Variants in NEK10 observed in about 807,000 individuals in gnomAD.
NEK10 encodes serine/threonine-protein kinase Nek10.
A neutral mutation model predicts 159.8 loss-of-function variants in NEK10; 122 were observed. The ratio of observed to expected loss-of-function variants is 0.76; its 90% CI spans 0.66 to 0.89. The LOEUF (loss-of-function observed/expected upper bound fraction) is 0.89, where lower values mean the gene tolerates loss of function less well. Ranked by LOEUF, NEK10 falls within the 40% of genes least tolerant of loss-of-function variation. The pLI is 0.00. For synonymous variants in NEK10, 466 were observed against 457.1 expected (o/e 1.02, Z -0.25); for missense variants, 1,342 against 1,323.1 (o/e 1.01, Z -0.22).
chr3:27,193,260 T>A (rs1398527130), intron 25 of NEK10, among the ~76,000 whole-genome samples: 1 of 152,230 alleles, frequency 6.6e-6, no homozygotes, highest in Admixed American at 6.5e-5. Context: ...ATTTGGCTAT[T>A]ACAACGTCAC....
intron 32 of NEK10, among the ~76,000 whole-genome samples, chr3:27,123,596 C>T (rs1027062193): frequency 6.6e-6 from 1 of 152,112 alleles, no homozygotes; most frequent in Non-Finnish European, 1.5e-5. Context: ...AAAAATTATA[C>T]TCTTGGAGTT....
intron 23 of NEK10, among the ~76,000 whole-genome samples, chr3:27,238,630 A>G (rs1344200164): frequency 1.3e-5 from 2 of 152,000 alleles, no homozygotes; most frequent in Non-Finnish European, 2.9e-5. Context: ...AGGATCATAA[A>G]ATATATGCCA....
intron 23 of NEK10, among the ~76,000 whole-genome samples, chr3:27,204,301 GTT>G (rs567092116): frequency 0.13 from 8,367 of 66,194 alleles, 409 homozygotes; most frequent in African/African-American, 0.32. Context: ...TTTTGTTGTT[GTT>G]TTTTTTTTTT....
At chr3:27,231,255 T>C (rs539024936) in intron 23 of NEK10, among the ~76,000 whole-genome samples, 26 of 151,774 alleles carry the variant, frequency 1.7e-4, no homozygotes, top group Middle Eastern at 3.4e-3. Context: ...AATGTGCTCT[T>C]GAATGATTAA....
chr3:27,217,257 T>A (rs796451558), intron 23 of NEK10, among the ~76,000 whole-genome samples: 49 of 152,274 alleles, frequency 3.2e-4, no homozygotes, highest in African/African-American at 1.2e-3. Flanking sequence ...GAAAATCCTG[T>A]ATTCGTCCAC....
At chr3:27,323,208 G>T (rs988866229) in intron 5 of NEK10, among the ~76,000 whole-genome samples, 4 of 152,134 alleles carry the variant, frequency 2.6e-5, no homozygotes, top group Non-Finnish European at 5.9e-5. Flanking sequence ...CCCTCAATCC[G>T]AACAGTGGGG....
chr3:27,322,138 A>G, intron 6 of NEK10, 39 bp downstream of exon 6: 1 of 1,064,958 alleles, frequency 9.4e-7, no homozygotes, highest in Non-Finnish European at 1.4e-6. Context: ...TTACAACTTT[A>G]TAACAAGTAA....
chr3:27,155,559 A>AAATAG (rs1945322768), intron 30 of NEK10, among the ~76,000 whole-genome samples: 1 of 142,844 alleles, frequency 7.0e-6, no homozygotes, highest in South Asian at 2.3e-4. Flanking sequence ...AAATAAAATA[A>AAATAG]AATACTTAGG....
At chr3:27,283,610 T>C (rs1433039959) in intron 22 of NEK10, among the ~76,000 whole-genome samples, 2 of 152,156 alleles carry the variant, frequency 1.3e-5, no homozygotes, top group East Asian at 3.9e-4. Flanking sequence ...CAAGTGTTCA[T>C]GAGGCAGGCA....
chr3:27,316,338 T>C (rs985907788), intron 6 of NEK10, among the ~76,000 whole-genome samples: 4 of 151,982 alleles, frequency 2.6e-5, no homozygotes, highest in South Asian at 2.1e-4. Flanking sequence ...TGAAGAAAGA[T>C]TGGAAGAAAA....
At chr3:27,219,076 C>T (rs1045856341) in intron 23 of NEK10, among the ~76,000 whole-genome samples, 1 of 152,246 alleles carries the variant, frequency 6.6e-6, no homozygotes, top group South Asian at 2.1e-4. Context: ...CATTCTTTCT[C>T]TGCCTCTTTA....
intron 30 of NEK10, chr3:27,162,173 G>T: frequency 1.1e-5 from 4 of 355,200 alleles, no homozygotes; most frequent in Non-Finnish European, 1.5e-5. Context: ...TTTTTTGTTT[G>T]TAGGTATGTA....
chr3:27,201,689 A>G (rs967554931), intron 24 of NEK10, 109 bp from the exon 25 acceptor site: 7 of 755,488 alleles, frequency 9.3e-6, no homozygotes, highest in Non-Finnish European at 1.6e-5. Flanking sequence ...GGATAACTTC[A>G]CACATAAATT....
At chr3:27,329,452 C>T (rs151319792) in intron 5 of NEK10, among the ~76,000 whole-genome samples, 147 of 152,194 alleles carry the variant, frequency 9.7e-4, no homozygotes, top group African/African-American at 3.3e-3. Context: ...TGTGGAAATG[C>T]GGCTCCCAGG....
In NEK10 at chr3:27,109,123, A is replaced by G. The variant is rs1939261632; in HGVS notation, c.*2149T>C. On this transcript the variant is annotated 3_prime_UTR_variant, in exon 36 of 36. Transcript: ENST00000691995. ...GCTGGGCACAGTGGCTCACGCCTCT[A>G]ATCCCAGCACTTTGGGAGGCCGAGG... Among the ~76,000 whole-genome samples the G allele has an allele frequency of 6.6e-6, 1 of 152,214 alleles. No individual in the cohort carries two copies. Among genetic ancestry groups the G allele is most frequent in the Non-Finnish European group, 1.5e-5 (1 of 68,030 alleles).
At chr3:27,319,167 T>G (rs1268159767) in intron 6 of NEK10, among the ~76,000 whole-genome samples, 1 of 152,136 alleles carries the variant, frequency 6.6e-6, no homozygotes, top group Non-Finnish European at 1.5e-5. Context: ...TCTTTTAAGG[T>G]TTTCTCTTTA....
chr3:27,242,796 T>C (rs982189374), intron 23 of NEK10, among the ~76,000 whole-genome samples: 1 of 152,230 alleles, frequency 6.6e-6, no homozygotes, highest in Non-Finnish European at 1.5e-5. Flanking sequence ...AGATGTGGCC[T>C]TCCTGGAACC....
In NEK10 at chr3:27,198,738, C is replaced by A. The variant is rs147705351; in HGVS notation, c.2291+2772G>T. On this transcript the variant is annotated intron_variant, in intron 25 of 35. Transcript: ENST00000691995. Reference sequence around the variant, plus strand: ...GGCAATACCATTCAGAACATAGGCACAGGCAAAGATTTCATGACAAAGATA... The same window carrying A: ...GGCAATACCATTCAGAACATAGGCAAAGGCAAAGATTTCATGACAAAGATA... Among the ~76,000 whole-genome samples, 803 of 152,134 alleles carry A rather than the reference C, an allele frequency of 5.3e-3. 5 individuals carry two copies. The highest frequency in any genetic ancestry group is 0.018 in the African/African-American group (767 of 41,500).
At chr3:27,144,456 GA>G (rs1371699284) in intron 30 of NEK10, among the ~76,000 whole-genome samples, 1 of 152,132 alleles carries the variant, frequency 6.6e-6, no homozygotes, top group East Asian at 1.9e-4. Context: ...GAAATAGCTG[GA>G]CCCAAGGATA....
Sources: gnomAD v4.1 joint callset for allele counts (sites outside exome capture counted in the v4.1 genomes callset) on GRCh38, gnomAD v4.1.1 for gene constraint, MANE v1.5 for transcripts, NCBI Gene and HGNC (gene_info 2026-07-23, HGNC 2026-07-21) for gene names.